The following CSMD1 variants were observed in gnomAD, a reference collection of about 807,000 sequenced individuals.
CSMD1 encodes CUB and sushi domain-containing protein 1.
CSMD1 carries 213 observed loss-of-function variants against 417.5 expected under a neutral mutation model. The observed-to-expected ratio is 0.51, with a 90% CI of 0.46 to 0.57. The LOEUF (loss-of-function observed/expected upper bound fraction) is 0.57, where lower values mean the gene tolerates loss of function less well. Among genes scored for constraint, CSMD1 ranks in the 20% least tolerant of loss-of-function variants. CSMD1 has a pLI of 0.00. For synonymous variants in CSMD1, 2,862 were observed against 1,736.8 expected (o/e 1.65, Z -16.11); for missense variants, 6,923 against 4,529.7 (o/e 1.53, Z -15.17).
At chr8:4,889,897 T>C (rs867253047) in intron 1 of CSMD1, among the ~76,000 whole-genome samples, 4 of 152,096 alleles carry the variant, frequency 2.6e-5, no homozygotes, top group Admixed American at 6.5e-5. Flanking sequence ...TAGCAATTTG[T>C]CCAGTTCACA....
chr8:3,504,041 C>A (rs1222362617), intron 10 of CSMD1, among the ~76,000 whole-genome samples: 1 of 152,080 alleles, frequency 6.6e-6, no homozygotes, highest in Non-Finnish European at 1.5e-5. Flanking sequence ...TGCAGGGTGA[C>A]TGTCATGAAC....
chr8:3,361,669 A>AC lies in CSMD1; in HGVS notation c.3116-2330_3116-2329insG, dbSNP rs1333835781. Among the ~76,000 whole-genome samples, 23 of 150,014 alleles carry AC rather than the reference A, an allele frequency of 1.5e-4. No homozygotes were observed. The South Asian group carries it at 1.7e-3, about 11-fold the overall frequency. ...TCCATCTCAAAAAAAAAAAAAAAAA[A>AC]AAACAAACAAAAACATTCTTGCCAA... On this transcript the variant is annotated intron_variant, in intron 20 of 69. Coordinates refer to ENST00000635120, the MANE Select transcript of CSMD1 (RefSeq NM_033225.6).
intron 41 of CSMD1, among the ~76,000 whole-genome samples, chr8:3,132,047 G>A (rs1473727787): frequency 1.3e-5 from 2 of 152,022 alleles, no homozygotes; most frequent in Non-Finnish European, 2.9e-5. Context: ...TAGCCATAAT[G>A]CCACCTCTAG....
At chr8:4,563,768 G>C (rs1333763948) in intron 2 of CSMD1, among the ~76,000 whole-genome samples, 1 of 152,156 alleles carries the variant, frequency 6.6e-6, no homozygotes, top group South Asian at 2.1e-4. Context: ...GACCATCGGT[G>C]CAAGCCCTGT....
At chr8:3,986,135 G>C (rs1413520497) in intron 5 of CSMD1, among the ~76,000 whole-genome samples, 1 of 152,036 alleles carries the variant, frequency 6.6e-6, no homozygotes, top group East Asian at 1.9e-4. Flanking sequence ...GATTTCTCAA[G>C]TGACTTGAAG....
intron 10 of CSMD1, among the ~76,000 whole-genome samples, chr8:3,571,151 A>G (rs1203598910): frequency 1.3e-5 from 2 of 152,150 alleles, no homozygotes; most frequent in Non-Finnish European, 2.9e-5. Flanking sequence ...TTTACCTCCA[A>G]CTGACTATGA....
At chr8:3,851,494 T>C (rs1803901713) in intron 5 of CSMD1, among the ~76,000 whole-genome samples, 1 of 152,110 alleles carries the variant, frequency 6.6e-6, no homozygotes, top group Non-Finnish European at 1.5e-5. Flanking sequence ...AGACCTAGTG[T>C]CTTGAGACTT....
intron 3 of CSMD1, among the ~76,000 whole-genome samples, chr8:4,035,778 T>C (rs1797584483): frequency 6.6e-6 from 1 of 152,196 alleles, no homozygotes. Flanking sequence ...TATACTAAGC[T>C]TAATTTATGA....
At chr8:4,023,080 C>T (rs777072748) in intron 4 of CSMD1, among the ~76,000 whole-genome samples, 2 of 152,146 alleles carry the variant, frequency 1.3e-5, no homozygotes, top group South Asian at 4.1e-4. Context: ...GAAATATGGC[C>T]TCATGGTTGA....
chr8:2,961,246 C>G, intron 61 of CSMD1, 32 bp from the exon 62 acceptor site: 1 of 1,381,702 alleles, frequency 7.2e-7, no homozygotes, highest in Non-Finnish European at 1.0e-6. Context: ...GAAAAGAGGG[C>G]ACCAGATATA....
At chr8:3,797,401 G>T (rs560724849) in intron 5 of CSMD1, among the ~76,000 whole-genome samples, 1 of 151,944 alleles carries the variant, frequency 6.6e-6, no homozygotes, top group African/African-American at 2.4e-5. Context: ...TCATCAATAT[G>T]GAAATTTCAT....
At chr8:3,168,518 G>C (rs753450740) in intron 37 of CSMD1, among the ~76,000 whole-genome samples, 8 of 152,106 alleles carry the variant, frequency 5.3e-5, no homozygotes, top group Non-Finnish European at 1.0e-4. Context: ...CATCATGTGA[G>C]CCTGACAATG....
intron 43 of CSMD1, among the ~76,000 whole-genome samples, chr8:3,109,145 G>A (rs572462487): frequency 6.6e-6 from 1 of 152,158 alleles, no homozygotes; most frequent in Non-Finnish European, 1.5e-5. Flanking sequence ...CGCACTTGTA[G>A]TCCCAGCTAC....
intron 40 of CSMD1, among the ~76,000 whole-genome samples, chr8:3,145,627 G>A (rs943951820): frequency 6.6e-6 from 1 of 152,110 alleles, no homozygotes; most frequent in African/African-American, 2.4e-5. Context: ...TCAGAAAATA[G>A]AACAGAGCCC....
chr8:4,094,505 G>A (rs1022245176), intron 3 of CSMD1, among the ~76,000 whole-genome samples: 1 of 152,220 alleles, frequency 6.6e-6, no homozygotes, highest in Non-Finnish European at 1.5e-5. Flanking sequence ...ACCACGCAGG[G>A]TGGAGGAATC....
intron 1 of CSMD1, among the ~76,000 whole-genome samples, chr8:4,816,224 G>T (rs896185264): frequency 6.6e-6 from 1 of 151,770 alleles, no homozygotes; most frequent in Non-Finnish European, 1.5e-5. Context: ...TCGCTCTGTT[G>T]CCCAGTTTGG....
intron 10 of CSMD1, among the ~76,000 whole-genome samples, chr8:3,504,893 G>T (rs187346312): frequency 6.6e-6 from 1 of 152,096 alleles, no homozygotes; most frequent in South Asian, 2.1e-4. Context: ...GAAAATTTCT[G>T]AAGCAGAACC....
At chr8:4,610,272 C>A (rs1278143117) in intron 2 of CSMD1, among the ~76,000 whole-genome samples, 1 of 152,196 alleles carries the variant, frequency 6.6e-6, no homozygotes, top group African/African-American at 2.4e-5. Flanking sequence ...GTTCGTGAAA[C>A]TGACTATTGG....
chr8:3,642,330 A>C (rs1391038370), intron 7 of CSMD1, among the ~76,000 whole-genome samples: 2 of 152,160 alleles, frequency 1.3e-5, no homozygotes, highest in African/African-American at 4.8e-5. Flanking sequence ...GCTCTTTCCC[A>C]CCTTGGTGCT....
Sources: allele counts gnomAD v4.1 joint callset (sites outside exome capture counted in the v4.1 genomes callset), GRCh38; gene constraint gnomAD v4.1.1; transcripts MANE v1.5; gene names NCBI Gene and HGNC (gene_info 2026-07-23, HGNC 2026-07-21).